The following NPAS3 variants were observed in gnomAD, a reference collection of about 807,000 sequenced individuals.
The protein encoded by NPAS3 is neuronal PAS domain protein 3.
Under a neutral mutation model 73.1 loss-of-function variants are expected in NPAS3, and 14 were observed. The ratio of observed to expected loss-of-function variants is 0.19; its 90% CI spans 0.13 to 0.30. The LOEUF (loss-of-function observed/expected upper bound fraction) is 0.30. NPAS3 is among the 10% of genes least tolerant of loss of function. The pLI, the probability that NPAS3 is intolerant of heterozygous loss-of-function variation, is 1.00. For missense variants in NPAS3, 1,096 were observed against 1,250.0 expected (o/e 0.88, Z 1.86); for synonymous variants, 620 against 541.5 (o/e 1.14, Z -2.01).
At chr14:33,063,813 A>G (rs2041189223) in intron 2 of NPAS3, among the ~76,000 whole-genome samples, 2 of 152,234 alleles carry the variant, frequency 1.3e-5, no homozygotes, top group African/African-American at 4.8e-5. Flanking sequence ...GGCATATAGT[A>G]AACATACACT....
intron 3 of NPAS3, among the ~76,000 whole-genome samples, chr14:33,291,808 A>C (rs372806460): frequency 2.6e-5 from 4 of 152,140 alleles, no homozygotes; most frequent in Admixed American, 2.0e-4. Flanking sequence ...TTATAATAAC[A>C]CTCAGAAGGT....
At chr14:33,083,245 G>T (rs2041921754) in intron 2 of NPAS3, among the ~76,000 whole-genome samples, 1 of 128,474 alleles carries the variant, frequency 7.8e-6, no homozygotes, top group Admixed American at 8.5e-5. Flanking sequence ...TCCACTCCAT[G>T]ATAGCAGAGA....
intron 1 of NPAS3, among the ~76,000 whole-genome samples, chr14:33,011,431 G>T (rs1431092267): frequency 2.0e-5 from 3 of 152,114 alleles, no homozygotes; most frequent in Non-Finnish European, 4.4e-5. Flanking sequence ...ATGCCAGCAG[G>T]TCACTTAATG....
chr14:33,717,999 G>GTT (rs149107903), intron 6 of NPAS3, among the ~76,000 whole-genome samples: 1,994 of 147,204 alleles, frequency 0.014, 24 homozygotes, highest in African/African-American at 0.032. Context: ...TTTGTAATGG[G>GTT]TTTTTTTTTT....
At chr14:33,633,877 G>T (rs2058444629) in intron 5 of NPAS3, among the ~76,000 whole-genome samples, 1 of 152,108 alleles carries the variant, frequency 6.6e-6, no homozygotes, top group Non-Finnish European at 1.5e-5. Context: ...TCCTCTAAAG[G>T]CTGAGGTAGG....
At chr14:32,985,181 T>C (rs2038048410) in intron 1 of NPAS3, among the ~76,000 whole-genome samples, 1 of 152,176 alleles carries the variant, frequency 6.6e-6, no homozygotes, top group African/African-American at 2.4e-5. Context: ...TTCATATATA[T>C]TGATACAGAA....
intron 6 of NPAS3, among the ~76,000 whole-genome samples, chr14:33,678,625 G>C (rs547210142): frequency 3.9e-5 from 6 of 152,134 alleles, no homozygotes; most frequent in African/African-American, 1.4e-4. Flanking sequence ...CCTTTCTCAG[G>C]GTAGGCTACT....
chr14:33,094,169 A>T (rs2042326710), intron 2 of NPAS3, among the ~76,000 whole-genome samples: 1 of 152,020 alleles, frequency 6.6e-6, no homozygotes, highest in Non-Finnish European at 1.5e-5. Context: ...CTTTAGAAAC[A>T]CACTTTTGGG....
intron 5 of NPAS3, among the ~76,000 whole-genome samples, chr14:33,603,002 C>A (rs1435176746): frequency 6.6e-6 from 1 of 152,128 alleles, no homozygotes; most frequent in East Asian, 1.9e-4. Flanking sequence ...TCATACGTAC[C>A]AGATGTGGAA....
At chr14:33,460,980 T>C (rs1451641551) in intron 4 of NPAS3, among the ~76,000 whole-genome samples, 2 of 152,228 alleles carry the variant, frequency 1.3e-5, no homozygotes, top group Non-Finnish European at 2.9e-5. Context: ...CCCTGTTTCT[T>C]GACAACAAGG....
At chr14:33,676,829 T>A (rs1458424332) in intron 6 of NPAS3, among the ~76,000 whole-genome samples, 4 of 152,090 alleles carry the variant, frequency 2.6e-5, no homozygotes, top group Non-Finnish European at 5.9e-5. Flanking sequence ...TTTTAAAGCA[T>A]CAGAAGGTAC....
intron 1 of NPAS3, among the ~76,000 whole-genome samples, chr14:32,975,005 C>T (rs1373892596): frequency 6.6e-6 from 1 of 152,078 alleles, no homozygotes; most frequent in Non-Finnish European, 1.5e-5. Context: ...AGTGGGTAAT[C>T]AATCATGATC....
chr14:33,280,192 G>C (rs996521800), intron 3 of NPAS3, among the ~76,000 whole-genome samples: 3 of 151,980 alleles, frequency 2.0e-5, no homozygotes, highest in African/African-American at 7.3e-5. Flanking sequence ...ATTTATTCCA[G>C]TGTAATTATA....
intron 4 of NPAS3, among the ~76,000 whole-genome samples, chr14:33,459,290 C>A (rs1594947162): frequency 6.6e-6 from 1 of 152,170 alleles, no homozygotes; most frequent in East Asian, 1.9e-4. Context: ...TAGATCTCAG[C>A]CTTATTTTAC....
intron 6 of NPAS3, among the ~76,000 whole-genome samples, chr14:33,717,308 G>A (rs1391203715): frequency 6.6e-6 from 1 of 150,940 alleles, no homozygotes; most frequent in Admixed American, 6.6e-5. Flanking sequence ...GAGTCCTAGA[G>A]TTTAGTGACA....
At chr14:33,403,184 A>C (rs2047519671) in intron 4 of NPAS3, among the ~76,000 whole-genome samples, 1 of 152,150 alleles carries the variant, frequency 6.6e-6, no homozygotes, top group African/African-American at 2.4e-5. Context: ...AGATGTTTCC[A>C]AAGCCACAAA....
chr14:33,299,721 A>G (rs1037282617), intron 3 of NPAS3, among the ~76,000 whole-genome samples: 4 of 152,082 alleles, frequency 2.6e-5, no homozygotes, highest in South Asian at 2.1e-4. Context: ...GGAAAGGGGG[A>G]AAAAAAGCAA....
At chr14:33,620,308 G>C (rs973561325) in intron 5 of NPAS3, among the ~76,000 whole-genome samples, 5 of 152,102 alleles carry the variant, frequency 3.3e-5, no homozygotes, top group Non-Finnish European at 7.4e-5. Flanking sequence ...TTCTGTCTCT[G>C]TTCCAAGTTC....
At chr14:33,341,746 G>A (rs1186980779) in intron 3 of NPAS3, among the ~76,000 whole-genome samples, 1 of 152,142 alleles carries the variant, frequency 6.6e-6, no homozygotes, top group East Asian at 1.9e-4. Context: ...TGTCTATGTT[G>A]CTCTGCATCT....
Sources: allele counts gnomAD v4.1 joint callset (sites outside exome capture counted in the v4.1 genomes callset), GRCh38; gene constraint gnomAD v4.1.1; transcripts MANE v1.5; gene names NCBI Gene and HGNC (gene_info 2026-07-23, HGNC 2026-07-21).